CROCC2: variants seen among roughly 807,000 people sequenced by gnomAD.
CROCC2 encodes the protein ciliary rootlet coiled-coil, rootletin family member 2.
CROCC2 carries 163 observed loss-of-function variants against 177.6 expected under a neutral mutation model. That is an observed-to-expected ratio of 0.92 (90% CI 0.81 to 1.05). The LOEUF is 1.05. Among genes scored for constraint, CROCC2 ranks in the 50% least tolerant of loss-of-function variants. The probability of loss-of-function intolerance (pLI) is 0.00; values close to 1 mark genes in which losing one functional copy is unlikely to be tolerated. For missense variants in CROCC2, 1,929 were observed against 1,797.8 expected, an observed-to-expected ratio of 1.07 and a Z score of -1.32; for synonymous variants, 904 against 787.3, an observed-to-expected ratio of 1.15 and a Z score of -2.48.
rs1172983417 is a variant in CROCC2 at position 240,932,777 on chromosome 2, C to G, written c.1120C>G (p.Leu374Val). 4 of 1,378,762 alleles carry G rather than the reference C, an allele frequency of 2.9e-6. No individual in the cohort carries two copies. Among genetic ancestry groups the G allele is most frequent in the Non-Finnish European group, 4.0e-6 (4 of 991,450 alleles). 85.4% of individuals were successfully genotyped at this position (1,378,762 alleles called of 1,614,324 possible). The change falls in exon 9 of 32, where the codon CTG (leucine) becomes GTG (valine). Residue 374 changes from leucine (L) to valine (V), a missense_variant. Leu to Val is a conservative substitution (Grantham distance 32, BLOSUM62 1). Coordinates refer to ENST00000690015, the MANE Select transcript of CROCC2 (RefSeq NM_001351305.2). ...ITELGEPRRP[L>V]RSPQRATSPH... ...TGAATTGGGGGAGCCACGGCGCCCA[C>G]TGAGGAGCCCCCAACGTGCCACATC...
At chr2:240,928,420 T>TGTG (rs2059406929) in intron 5 of CROCC2, among the ~76,000 whole-genome samples, 9 of 147,666 alleles carry the variant, frequency 6.1e-5, no homozygotes, top group Admixed American at 1.4e-4. Flanking sequence ...TGTGCCTGTT[T>TGTG]TGTGTGTGTG....
In CROCC2 at chr2:240,965,723, C is replaced by CG; in HGVS notation, c.3697dup (p.Ala1233GlyfsTer2). The CG allele has an allele frequency of 6.5e-7, 1 of 1,546,052 alleles. No individual in the cohort carries two copies. Among genetic ancestry groups the CG allele is most frequent in the African/African-American group, 1.4e-5 (1 of 73,128 alleles). ...GCTCCAGGAGCACCTCCGTGAGAGC[C>CG]GGGGGGCTGAGCAGACCCTCCGAGC... On this transcript the variant is annotated frameshift_variant, in exon 24 of 32. Transcript: ENST00000690015. LOFTEE classifies it high-confidence loss of function.
In CROCC2 at chr2:240,949,741, G is replaced by A; in HGVS notation, c.2652+39G>A. ...GAGCCCACCAGTAGCTTCCTAGAAG[G>A]CTACCAGGTCCCGGGGAATGGCAGG... On this transcript the variant is annotated intron_variant, in intron 17 of 31. Transcript: ENST00000690015. The surrounding 1 kb of genome is among the most constrained non-coding windows in gnomAD (Gnocchi z 4.5). 6.6e-7 allele frequency: 1 copy of A among 1,511,376 alleles called. No homozygotes were observed. The highest frequency in any genetic ancestry group is 8.9e-7 in the Non-Finnish European group (1 of 1,123,326). 93.6% of individuals were successfully genotyped at this position (1,511,376 alleles called of 1,614,324 possible). A position where few individuals can be genotyped will look rare whatever the true frequency, so the allele number is the denominator to read the frequency against.
In CROCC2 at chr2:240,906,408, C is replaced by T. The variant is rs764145591; in HGVS notation, c.-106C>T. On this transcript the variant is annotated 5_prime_UTR_variant, in exon 1 of 32. Transcript: ENST00000690015. Reference sequence around the variant, plus strand: ...GACACAAGACTGCAGAGCCAGGTGCCACACAGGTGTGGGGCCCGTGGACCA... The same window carrying T: ...GACACAAGACTGCAGAGCCAGGTGCTACACAGGTGTGGGGCCCGTGGACCA... 2 of 398,370 alleles carry T rather than the reference C, an allele frequency of 5.0e-6. No homozygotes were observed. The highest frequency in any genetic ancestry group is 2.1e-5 in the African/African-American group (1 of 48,634). The allele number at this position is 398,370 out of a possible 1,614,324, so 24.7% of individuals were successfully genotyped here. A position where few individuals can be genotyped will look rare whatever the true frequency, so the allele number is the denominator to read the frequency against.
At chr2:240,926,228 C>A (rs994624807) in intron 5 of CROCC2, among the ~76,000 whole-genome samples, 3 of 152,226 alleles carry the variant, frequency 2.0e-5, no homozygotes, top group Non-Finnish European at 4.4e-5. Context: ...GGAGCAGGGA[C>A]CTTGGAAGGA....
At chr2:240,954,850 G>A (rs1346057614) in intron 18 of CROCC2, 1 of 152,132 alleles carries the variant, frequency 6.6e-6, no homozygotes, top group African/African-American at 2.4e-5. Flanking sequence ...GGTCCCAGGG[G>A]CCCGCCAGGA....
At chr2:240,975,229 G>A (rs1009404840) in intron 27 of CROCC2, among the ~76,000 whole-genome samples, 1 of 152,262 alleles carries the variant, frequency 6.6e-6, no homozygotes, top group Non-Finnish European at 1.5e-5. Context: ...TAGAATAGAT[G>A]CAGAGGCAGC....
intron 3 of CROCC2, 84 bp downstream of exon 3, chr2:240,920,218 G>A: frequency 1.7e-6 from 1 of 596,084 alleles, no homozygotes; most frequent in Non-Finnish European, 3.0e-6. Context: ...ACGGCAGTCA[G>A]AGCCTGGGAC....
intron 18 of CROCC2, chr2:240,955,486 G>A: frequency 5.0e-6 from 1 of 198,044 alleles, no homozygotes; most frequent in Non-Finnish European, 1.0e-5. Context: ...TCTCTGCACT[G>A]CATCAAGTGT....
In CROCC2 at chr2:240,960,934, A is replaced by C. The variant is rs1353393900; in HGVS notation, c.3087+1490A>C. ...GGGCAGCAGGGGGAGGGGGAGGGGG[A>C]GGTGTGGAGAGGGTGGGGGTGCATT... On this transcript the variant is annotated intron_variant, in intron 20 of 31. Coordinates refer to ENST00000690015, the MANE Select transcript of CROCC2 (RefSeq NM_001351305.2). The surrounding 1 kb of genome is among the most constrained non-coding windows in gnomAD (Gnocchi z 5.0). Among the ~76,000 whole-genome samples the C allele has an allele frequency of 1.1e-4, 4 of 35,428 alleles. No homozygotes were observed. Among genetic ancestry groups the C allele is most frequent in the East Asian group, 6.6e-4 (1 of 1,518 alleles). The allele number at this position is 35,428 out of a possible 152,430, so 23.2% of individuals were successfully genotyped here. A position where few individuals can be genotyped will look rare whatever the true frequency, so the allele number is the denominator to read the frequency against.
chr2:240,945,694 T>G (rs1359492222), intron 14 of CROCC2, among the ~76,000 whole-genome samples: 2 of 152,178 alleles, frequency 1.3e-5, no homozygotes, highest in Non-Finnish European at 2.9e-5. Flanking sequence ...ATGTTCTTGG[T>G]GGAAGTGTTG....
rs1304941942 is a variant in CROCC2 at position 240,959,363 on chromosome 2, C to A, written c.3006C>A (p.Ile1002=). The part of the protein sequence containing the change: ...KALQAQFEDA[I]TAHQRETTAL... ...TCCAGGCCCAGTTTGAGGATGCCAT[C>A]ACAGCCCATCAGAGGGAGACCACGG... The change falls in exon 20 of 32, where the codon ATC becomes ATA. Residue 1002 remains isoleucine (I), a synonymous_variant. Transcript: ENST00000690015. The A allele has an allele frequency of 6.4e-7, 1 of 1,550,614 alleles. No individual in the cohort carries two copies. Among genetic ancestry groups the A allele is most frequent in the South Asian group, 1.2e-5 (1 of 84,064 alleles).
chr2:240,974,541 T>C (rs972583691), intron 27 of CROCC2, among the ~76,000 whole-genome samples: 4 of 148,430 alleles, frequency 2.7e-5, no homozygotes, highest in African/African-American at 9.8e-5. Context: ...TTTCTTTTTT[T>C]TTTTTTTTTG....
intron 7 of CROCC2, among the ~76,000 whole-genome samples, chr2:240,932,047 A>G (rs1399242641): frequency 6.6e-5 from 10 of 152,386 alleles, no homozygotes; most frequent in Admixed American, 5.2e-4. Flanking sequence ...TGCCACAAGG[A>G]CAAGGCAGAG....
chr2:240,966,831 G>A (rs1450216738), intron 25 of CROCC2, among the ~76,000 whole-genome samples: 1 of 152,132 alleles, frequency 6.6e-6, no homozygotes, highest in Non-Finnish European at 1.5e-5. Flanking sequence ...AACCACCCGT[G>A]AGCGGCCCCC....
chr2:240,959,318 G>A lies in CROCC2; in HGVS notation c.2961G>A (p.Thr987=), dbSNP rs575499276. 20 of 1,550,428 alleles carry A rather than the reference G, an allele frequency of 1.3e-5. No individual in the cohort carries two copies. In the South Asian group the frequency reaches 2.0e-4, roughly 16 times the overall value. ...CCCCGCAGGCCACCATCAGTGCCAC[G>A]ACTGAGGAGCTGAAGGCCCTCCAGG... ...QEQAQATISA[T]TEELKALQAQ... is the part of the protein sequence containing the mutation. Residue 987 remains threonine (T), a synonymous_variant, in exon 20 of 32, where the codon ACG becomes ACA. Transcript: ENST00000690015.
At chr2:240,912,253 T>G (rs559071997) in intron 1 of CROCC2, among the ~76,000 whole-genome samples, 8 of 152,320 alleles carry the variant, frequency 5.3e-5, no homozygotes, top group African/African-American at 1.9e-4. Context: ...CTAGCTGTCC[T>G]ACAATTCAAT....
chr2:240,921,896 T>G (rs920884386), intron 3 of CROCC2, among the ~76,000 whole-genome samples: 2 of 152,126 alleles, frequency 1.3e-5, no homozygotes, highest in African/African-American at 2.4e-5. Context: ...GGCCCTTGAT[T>G]TCCTGGGCCC....
At position 240,953,877 on chromosome 2, in the gene CROCC2, C is replaced by G. The variant is rs1273679031; in HGVS notation, c.2830-1982C>G. Among the ~76,000 whole-genome samples the G allele has an allele frequency of 6.6e-6, 1 of 152,178 alleles. No homozygotes were observed. The highest frequency in any genetic ancestry group is 1.5e-5 in the Non-Finnish European group (1 of 68,042). ...TGTCTGAATGGCGGCTTGCCCACAC[C>G]TGTTTGCAAAGTGAAGCTCTCACCC... On this transcript the variant is annotated intron_variant, in intron 18 of 31. Transcript: ENST00000690015. This position sits in a 1 kb window ranked among gnomAD's most constrained non-coding sequence, Gnocchi z 4.0.
Sources: gnomAD v4.1 joint callset for allele counts (sites outside exome capture counted in the v4.1 genomes callset) on GRCh38, gnomAD v4.1.1 for gene constraint, Gnocchi (gnomAD v3.1) non-coding constraint, MANE v1.5 for transcripts, NCBI Gene and HGNC (gene_info 2026-07-23, HGNC 2026-07-21) for gene names.